The following FSTL4 variants were observed in gnomAD, a reference collection of about 807,000 sequenced individuals.
FSTL4 encodes the protein follistatin-related protein 4.
In FSTL4, 28 loss-of-function variants were observed where a neutral mutation model predicts 78.2. That is an observed-to-expected ratio of 0.36 (90% CI 0.27 to 0.49). FSTL4 has a LOEUF of 0.49. FSTL4 is among the 20% of genes least tolerant of loss of function. The probability of loss-of-function intolerance (pLI) is 0.98; values close to 1 mark genes in which losing one functional copy is unlikely to be tolerated. For missense variants in FSTL4, 922 were observed against 1,084.9 expected (o/e 0.85, Z 2.11); for synonymous variants, 422 against 440.5 (o/e 0.96, Z 0.53).
chr5:133,554,366 C>T (rs941815371), intron 3 of FSTL4, among the ~76,000 whole-genome samples: 4 of 152,192 alleles, frequency 2.6e-5, no homozygotes, highest in Non-Finnish European at 5.9e-5. Flanking sequence ...CGCTATATTT[C>T]AAATGTCTCT....
intron 3 of FSTL4, among the ~76,000 whole-genome samples, chr5:133,534,688 T>C (rs1759317914): frequency 6.6e-6 from 1 of 152,184 alleles, no homozygotes; most frequent in African/African-American, 2.4e-5. Context: ...GTTACTAGGA[T>C]ACAAATACCT....
chr5:133,340,572 T>C (rs1361183264), intron 4 of FSTL4, among the ~76,000 whole-genome samples: 1 of 152,062 alleles, frequency 6.6e-6, no homozygotes, highest in Non-Finnish European at 1.5e-5. Flanking sequence ...AATACCTTAG[T>C]CCCACGTCAC....
At chr5:133,484,904 C>T (rs557603190) in intron 3 of FSTL4, among the ~76,000 whole-genome samples, 1 of 152,086 alleles carries the variant, frequency 6.6e-6, no homozygotes, top group Admixed American at 6.5e-5. Flanking sequence ...AATGTAAGCA[C>T]CTTGTATTTA....
rs34374583 is a variant in FSTL4, at chr5:133,517,422, CAAAAAAAAA to C, written c.160+49755_160+49763del. On this transcript the variant is annotated intron_variant, in intron 3 of 15. Coordinates refer to ENST00000265342, the MANE Select transcript of FSTL4 (RefSeq NM_015082.2). ...TGGGCGACAGAGTGAGACTCCATCT[CAAAAAAAAA>C]AAAAAAAAAAAAAAAAATATATATA... 2.7e-3 allele frequency among the ~76,000 whole-genome samples: 29 copies of C among 10,590 alleles called. 1 individual carries two copies. Among genetic ancestry groups the C allele is most frequent in the African/African-American group, 6.1e-3 (8 of 1,310 alleles). The allele number at this position is 10,590 out of a possible 152,430, so 6.9% of individuals were successfully genotyped here. A position where few individuals can be genotyped will look rare whatever the true frequency, so the allele number is the denominator to read the frequency against.
chr5:133,314,376 G>C (rs1753854525), intron 5 of FSTL4, among the ~76,000 whole-genome samples: 1 of 152,248 alleles, frequency 6.6e-6, no homozygotes, highest in South Asian at 2.1e-4. Flanking sequence ...TGGGATGCAG[G>C]CCTTGAATGG....
At chr5:133,421,060 T>G (rs1188999500) in intron 3 of FSTL4, among the ~76,000 whole-genome samples, 1 of 152,158 alleles carries the variant, frequency 6.6e-6, no homozygotes, top group Middle Eastern at 3.2e-3. Context: ...GCCTTCAACC[T>G]TGAACAGTGA....
At chr5:133,662,556 G>C in the FSTL4 span, among the ~76,000 whole-genome samples, 12 of 152,158 alleles carry the variant, frequency 7.9e-5, no homozygotes, top group African/African-American at 2.4e-4. Flanking sequence ...AAAATCTATG[G>C]TTTGACAAGT....
At chr5:133,321,936 A>G (rs1754067469) in intron 4 of FSTL4, among the ~76,000 whole-genome samples, 1 of 152,230 alleles carries the variant, frequency 6.6e-6, no homozygotes, top group South Asian at 2.1e-4. Context: ...GTTTCTGCCC[A>G]CATGTTTGGA....
intron 6 of FSTL4, among the ~76,000 whole-genome samples, chr5:133,312,065 C>T (rs577015554): frequency 5.3e-5 from 8 of 152,314 alleles, no homozygotes; most frequent in African/African-American, 1.9e-4. Context: ...GTCCTGAAGG[C>T]ATCCCATCCA....
chr5:133,511,585 C>T (rs566404802), intron 3 of FSTL4, among the ~76,000 whole-genome samples: 3 of 152,300 alleles, frequency 2.0e-5, no homozygotes, highest in East Asian at 1.9e-4. Flanking sequence ...GTGACACATC[C>T]TAAGAGGTGA....
rs556117894 is a variant in FSTL4, at chr5:133,570,065, C to T, written c.127-2846G>A. Among the ~76,000 whole-genome samples the T allele has an allele frequency of 2.8e-4, 43 of 151,654 alleles. No individual in the cohort carries two copies. In the South Asian group the frequency reaches 5.2e-3, roughly 18 times the overall value. ...TCTACTAAAAATACAAAAAATTAGC[C>T]GGGCGTGGTGGTGGGCGCCTGTAGT... is the stretch of plus-strand genomic sequence containing the variant. On this transcript the variant is annotated intron_variant, in intron 2 of 15. Coordinates refer to ENST00000265342, the MANE Select transcript of FSTL4 (RefSeq NM_015082.2).
At chr5:133,770,069 T>G in the FSTL4 span, among the ~76,000 whole-genome samples, 2 of 151,806 alleles carry the variant, frequency 1.3e-5, no homozygotes, top group Non-Finnish European at 2.9e-5. Context: ...TTCCGTGGGG[T>G]GTGTGTGGGT....
chr5:133,721,974 T>C, the FSTL4 span, among the ~76,000 whole-genome samples: 2 of 152,304 alleles, frequency 1.3e-5, no homozygotes, highest in South Asian at 4.1e-4. Context: ...TTTTTCATTC[T>C]TTTTTCTTCT....
the FSTL4 span, among the ~76,000 whole-genome samples, chr5:133,707,909 T>A: frequency 6.6e-6 from 1 of 151,982 alleles, no homozygotes; most frequent in African/African-American, 2.4e-5. Flanking sequence ...CTGGGGAGGC[T>A]TCCTTGCATT....
chr5:133,786,847 A>C, the FSTL4 span, among the ~76,000 whole-genome samples: 1 of 152,220 alleles, frequency 6.6e-6, no homozygotes, highest in African/African-American at 2.4e-5. Context: ...CTGTGTAAGC[A>C]CTTCCCAGGC....
chr5:133,615,553 G>A (rs924928458), upstream of FSTL4, among the ~76,000 whole-genome samples: 1 of 152,192 alleles, frequency 6.6e-6, no homozygotes, highest in Non-Finnish European at 1.5e-5. Context: ...GCCATTTTCA[G>A]TTCTAAAGGT....
At chr5:133,541,574 GT>G (rs1176353880) in intron 3 of FSTL4, among the ~76,000 whole-genome samples, 1 of 152,184 alleles carries the variant, frequency 6.6e-6, no homozygotes, top group Non-Finnish European at 1.5e-5. Context: ...AGAAGAATAT[GT>G]GAAATGGAAG....
intron 1 of FSTL4, among the ~76,000 whole-genome samples, chr5:133,608,817 T>C (rs533401308): frequency 6.6e-6 from 1 of 152,310 alleles, no homozygotes; most frequent in Admixed American, 6.5e-5. Context: ...GAAATAGGAA[T>C]GCAAATTGTT....
At chr5:133,467,107 T>C (rs917417771) in intron 3 of FSTL4, among the ~76,000 whole-genome samples, 1 of 151,844 alleles carries the variant, frequency 6.6e-6, no homozygotes, top group African/African-American at 2.4e-5. Context: ...TGTGTGTATA[T>C]ATGTCTGAAT....
Sources: allele counts gnomAD v4.1 joint callset (sites outside exome capture counted in the v4.1 genomes callset), GRCh38; gene constraint gnomAD v4.1.1; transcripts MANE v1.5; gene names NCBI Gene and HGNC (gene_info 2026-07-23, HGNC 2026-07-21).